Variants in DPYD observed in about 807,000 individuals in gnomAD.
DPYD encodes dihydropyrimidine dehydrogenase [NADP(+)].
Under a neutral mutation model 116.2 loss-of-function variants are expected in DPYD, and 109 were observed. The observed-to-expected ratio is 0.94, with a 90% CI of 0.80 to 1.10. The LOEUF (loss-of-function observed/expected upper bound fraction) is 1.10, where lower values mean the gene tolerates loss of function less well. Among genes scored for constraint, DPYD ranks in the 50% least tolerant of loss-of-function variants. The pLI is 0.00. For missense variants in DPYD, 1,302 were observed against 1,254.5 expected, an observed-to-expected ratio of 1.04 and a Z score of -0.57; for synonymous variants, 440 against 432.0, an observed-to-expected ratio of 1.02 and a Z score of -0.23.
At chr1:97,527,366 CAT>C (rs1649224291) in intron 12 of DPYD, among the ~76,000 whole-genome samples, 1 of 152,102 alleles carries the variant, frequency 6.6e-6, no homozygotes, top group Non-Finnish European at 1.5e-5. Flanking sequence ...CGTGAGCCAC[CAT>C]GCCCAGCTGC....
chr1:97,145,954 G>C (rs1356176496), intron 20 of DPYD, among the ~76,000 whole-genome samples: 3 of 151,936 alleles, frequency 2.0e-5, no homozygotes, highest in Non-Finnish European at 4.4e-5. Context: ...CTTCAATTGA[G>C]TCTACTGAAG....
chr1:97,372,657 T>A (rs1293279680), intron 16 of DPYD, among the ~76,000 whole-genome samples: 2 of 152,114 alleles, frequency 1.3e-5, no homozygotes, highest in Non-Finnish European at 2.9e-5. Flanking sequence ...AAGATAGCAA[T>A]CTATGTTCAT....
intron 3 of DPYD, among the ~76,000 whole-genome samples, chr1:97,746,488 G>A (rs994253308): frequency 6.6e-6 from 1 of 151,976 alleles, no homozygotes; most frequent in African/African-American, 2.4e-5. Context: ...AACAAAGCTT[G>A]TCCTATTTTA....
intron 14 of DPYD, among the ~76,000 whole-genome samples, chr1:97,429,480 A>G (rs1675053249): frequency 6.6e-6 from 1 of 152,082 alleles, no homozygotes; most frequent in Non-Finnish European, 1.5e-5. Flanking sequence ...GTCAGGAAAT[A>G]TGATTAGGTA....
At chr1:97,513,043 T>C (rs778241875) in intron 13 of DPYD, among the ~76,000 whole-genome samples, 2 of 151,806 alleles carry the variant, frequency 1.3e-5, no homozygotes, top group Admixed American at 1.3e-4. Context: ...ACAGCTTTTA[T>C]ATAGACTGCA....
chr1:97,397,337 AT>A (rs1248815743), intron 14 of DPYD, among the ~76,000 whole-genome samples: 1 of 152,050 alleles, frequency 6.6e-6, no homozygotes, highest in Non-Finnish European at 1.5e-5. Flanking sequence ...GGTATGTCTT[AT>A]ATGTATATGA....
intron 14 of DPYD, among the ~76,000 whole-genome samples, chr1:97,425,268 CAATAT>C (rs988349939): frequency 5.9e-5 from 9 of 152,108 alleles, no homozygotes; most frequent in African/African-American, 1.9e-4. Flanking sequence ...CCTCTTACAA[CAATAT>C]AATATAACAG....
chr1:97,409,163 A>G (rs1327529064), intron 14 of DPYD, among the ~76,000 whole-genome samples: 1 of 152,162 alleles, frequency 6.6e-6, no homozygotes, highest in African/African-American at 2.4e-5. Flanking sequence ...CAATACATAT[A>G]AGCACATGGG....
intron 3 of DPYD, among the ~76,000 whole-genome samples, chr1:97,764,974 A>C (rs1164069535): frequency 1.3e-5 from 2 of 152,208 alleles, no homozygotes; most frequent in East Asian, 3.8e-4. Context: ...TAATATTCTC[A>C]TATGTTTGAC....
At chr1:97,400,469 G>C (rs1458153487) in intron 14 of DPYD, among the ~76,000 whole-genome samples, 2 of 152,172 alleles carry the variant, frequency 1.3e-5, no homozygotes, top group Non-Finnish European at 2.9e-5. Flanking sequence ...CTCATTAAAT[G>C]AGTTAGGGAG....
In DPYD at chr1:97,450,157, C is replaced by G. The variant is rs2101792903; in HGVS notation, c.1807G>C (p.Gly603Arg). ...TCAATATTCAGAAAGGAGCTTTGTC[C>G]AGGGCCATACATGGGGCCAGAGGTG... ...GTTSGPMYGP[G>R]QSSFLNIELI... The change falls in exon 14 of 23, where the codon GGA (glycine) becomes CGA (arginine). Residue 603 changes from glycine to arginine, a missense_variant. Physicochemically the swap from Gly to Arg is moderately radical, Grantham distance 125. Transcript: ENST00000370192. 1.2e-6 allele frequency: 2 copies of G among 1,613,900 alleles called. No homozygotes were observed. The highest frequency in any genetic ancestry group is 1.7e-6 in the Non-Finnish European group (2 of 1,179,894).
chr1:97,546,358 G>A lies in DPYD; in HGVS notation c.1524+3202C>T, dbSNP rs1016856935. 8 of 1,421,718 alleles carry A rather than the reference G, an allele frequency of 5.6e-6. No homozygotes were observed. In the African/African-American group the frequency reaches 1.1e-4, roughly 20 times the overall value. The allele number at this position is 1,421,718 out of a possible 1,614,324, so 88.1% of individuals were successfully genotyped here. A position where few individuals can be genotyped will look rare whatever the true frequency, so the allele number is the denominator to read the frequency against. ...GGCAAATGGAGTTGTTGGGAATGAA[G>A]CTGCAGTAAAGGAAGATGAAGAAGA... On this transcript the variant is annotated intron_variant, in intron 12 of 22. Coordinates refer to ENST00000370192, the MANE Select transcript of DPYD (RefSeq NM_000110.4).
intron 8 of DPYD, among the ~76,000 whole-genome samples, chr1:97,658,158 T>G (rs1369719843): frequency 6.6e-6 from 1 of 152,224 alleles, no homozygotes. Context: ...GTTAATGCTC[T>G]ATTACACACT....
At chr1:97,238,843 T>G (rs960297489) in intron 18 of DPYD, among the ~76,000 whole-genome samples, 4 of 152,164 alleles carry the variant, frequency 2.6e-5, no homozygotes. Flanking sequence ...GCAATTTAAA[T>G]TAAGCCCTCA....
rs1660335033 is a variant in DPYD at position 97,679,728 on chromosome 1, A to G, written c.763-546T>C. Among the ~76,000 whole-genome samples the G allele has an allele frequency of 2.0e-5, 3 of 152,112 alleles. No homozygotes were observed. In the South Asian group the frequency reaches 6.2e-4, roughly 31 times the overall value. On this transcript the variant is annotated intron_variant, in intron 7 of 22. Transcript: ENST00000370192. ...GACAGTGTCAAGGGAAAATGAATAA[A>G]GTCAGGAAGCAGAGGGTAGTCACCC...
chr1:97,735,711 TA>T (rs1663899219), intron 4 of DPYD, among the ~76,000 whole-genome samples: 1 of 146,750 alleles, frequency 6.8e-6, no homozygotes, highest in Non-Finnish European at 1.5e-5. Flanking sequence ...AATAAATAAA[TA>T]AATAAATAAA....
chr1:97,627,407 A>AC (rs1217240395), intron 8 of DPYD, among the ~76,000 whole-genome samples: 1 of 152,104 alleles, frequency 6.6e-6, no homozygotes, highest in East Asian at 1.9e-4. Flanking sequence ...AACTGATGCT[A>AC]CCGCCTAATC....
At chr1:97,562,740 A>G (rs1225107933) in intron 11 of DPYD, among the ~76,000 whole-genome samples, 1 of 152,114 alleles carries the variant, frequency 6.6e-6, no homozygotes, top group Admixed American at 6.5e-5. Flanking sequence ...TTTTTTTGAG[A>G]TGGAGTCTCA....
chr1:97,791,602 G>T (rs1340580849), intron 3 of DPYD, among the ~76,000 whole-genome samples: 1 of 152,172 alleles, frequency 6.6e-6, no homozygotes, highest in East Asian at 1.9e-4. Flanking sequence ...GTGATGGTCT[G>T]GTTGTGAATC....
Sources: allele counts gnomAD v4.1 joint callset (sites outside exome capture counted in the v4.1 genomes callset), GRCh38; gene constraint gnomAD v4.1.1; transcripts MANE v1.5; gene names NCBI Gene and HGNC (gene_info 2026-07-23, HGNC 2026-07-21).